Variants in CSMD3 observed in about 807,000 individuals in gnomAD.
The protein encoded by CSMD3 is CUB and sushi domain-containing protein 3.
A neutral mutation model predicts 435.2 loss-of-function variants in CSMD3; 177 were observed. The ratio of observed to expected loss-of-function variants is 0.41; its 90% confidence interval spans 0.36 to 0.46. The LOEUF is 0.46. CSMD3 is among the 20% of genes least tolerant of loss of function. The probability of loss-of-function intolerance (pLI) is 0.34; values close to 1 mark genes in which losing one functional copy is unlikely to be tolerated. For missense variants in CSMD3, 4,265 were observed against 4,504.6 expected (o/e 0.95, Z 1.52); for synonymous variants, 1,656 against 1,520.5 (o/e 1.09, Z -2.07).
chr8:112,494,513 T>C (rs1258238680), intron 30 of CSMD3, among the ~76,000 whole-genome samples: 1 of 110,580 alleles, frequency 9.0e-6, no homozygotes, highest in African/African-American at 3.3e-5. Context: ...CTTTCTTTCT[T>C]TCTTTCTTTC....
intron 12 of CSMD3, among the ~76,000 whole-genome samples, chr8:112,813,940 T>G (rs2079299036): frequency 6.6e-6 from 1 of 152,200 alleles, no homozygotes; most frequent in Non-Finnish European, 1.5e-5. Flanking sequence ...GGTGCAAATG[T>G]CCCAAGGCTT....
chr8:112,380,306 A>G, intron 38 of CSMD3, 46 bp downstream of exon 38: 1 of 1,016,454 alleles, frequency 9.8e-7, no homozygotes, highest in Non-Finnish European at 1.6e-6. Context: ...TAATTAATAT[A>G]AACTTGTTCT....
intron 32 of CSMD3, among the ~76,000 whole-genome samples, chr8:112,419,218 T>G (rs1441200523): frequency 7.0e-6 from 1 of 143,110 alleles, no homozygotes; most frequent in Non-Finnish European, 1.6e-5. Flanking sequence ...CACAGTGAGC[T>G]GCGTTATGCT....
intron 4 of CSMD3, among the ~76,000 whole-genome samples, chr8:113,107,565 C>G (rs990170931): frequency 6.6e-6 from 1 of 152,206 alleles, no homozygotes; most frequent in Non-Finnish European, 1.5e-5. Context: ...GGTTTCACAT[C>G]CCATACTGTA....
chr8:113,176,281 T>A (rs560234644), intron 3 of CSMD3, among the ~76,000 whole-genome samples: 1 of 152,262 alleles, frequency 6.6e-6, no homozygotes, highest in South Asian at 2.1e-4. Context: ...GTTAACTGAG[T>A]AATTCATAAA....
chr8:112,380,371 T>C lies in CSMD3; in HGVS notation c.6117A>G (p.Gly2039=). Residue 2039 remains glycine (G), a synonymous_variant, in exon 38 of 71, where the codon GGA becomes GGG. Coordinates refer to ENST00000297405, the MANE Select transcript of CSMD3 (RefSeq NM_198123.2). ...TTTTACCTGTGTATTCAAGATGAAATCCTGCAGCAGAAACACTGATGTCTG... is the reference window on the plus strand; with the variant it reads ...TTTTACCTGTGTATTCAAGATGAAACCCTGCAGCAGAAACACTGATGTCTG... ...FQSDISVSAA[G]FHLEYTAIGL... 1 of 1,580,882 alleles carries C rather than the reference T, an allele frequency of 6.3e-7. No homozygotes were observed. The highest frequency in any genetic ancestry group is 8.7e-7 in the Non-Finnish European group (1 of 1,150,136).
chr8:112,462,610 A>G (rs983226299), intron 32 of CSMD3, among the ~76,000 whole-genome samples: 2 of 151,926 alleles, frequency 1.3e-5, no homozygotes, highest in Non-Finnish European at 2.9e-5. Flanking sequence ...AATTCTTGCA[A>G]GTTGAAAGGA....
At chr8:112,742,911 AGGGT>A (rs2077344115) in intron 13 of CSMD3, among the ~76,000 whole-genome samples, 1 of 152,034 alleles carries the variant, frequency 6.6e-6, no homozygotes, top group African/African-American at 2.4e-5. Context: ...ATAGTCACAC[AGGGT>A]CCACTCTCAG....
chr8:112,985,577 G>A (rs960509263), intron 6 of CSMD3, among the ~76,000 whole-genome samples: 12 of 152,100 alleles, frequency 7.9e-5, no homozygotes, highest in African/African-American at 2.4e-4. Flanking sequence ...CCAGTCCTTC[G>A]CCTGTTAGGA....
At chr8:112,316,774 T>A (rs958502226) in intron 47 of CSMD3, among the ~76,000 whole-genome samples, 38 of 151,952 alleles carry the variant, frequency 2.5e-4, no homozygotes, top group Non-Finnish European at 1.6e-4. Flanking sequence ...CCAGAAAATG[T>A]AAGCATCCAT....
intron 1 of CSMD3, among the ~76,000 whole-genome samples, chr8:113,315,380 T>C (rs1198851584): frequency 6.6e-6 from 1 of 151,988 alleles, no homozygotes; most frequent in Non-Finnish European, 1.5e-5. Context: ...ATGAACAGAA[T>C]TCTAAATTAA....
chr8:112,602,251 T>C (rs1832416726), intron 22 of CSMD3, among the ~76,000 whole-genome samples: 1 of 152,146 alleles, frequency 6.6e-6, no homozygotes, highest in Non-Finnish European at 1.5e-5. Context: ...TAATCAGCAC[T>C]TGAACAAATA....
intron 3 of CSMD3, among the ~76,000 whole-genome samples, chr8:113,209,166 T>C (rs1411383926): frequency 6.6e-6 from 1 of 152,166 alleles, no homozygotes; most frequent in African/African-American, 2.4e-5. Flanking sequence ...CAGAAATTCA[T>C]TATGTGTGAC....
Position 112,580,455 on chromosome 8 carries a change from A to G in CSMD3, c.3885+6611T>C, listed in dbSNP as rs1586727935. ...GTAGGAGGAATAATAGAATGCCAAT[A>G]ATTAGACAATAGAGGGAACATGTAC... On this transcript the variant is annotated intron_variant, in intron 23 of 70. Coordinates refer to ENST00000297405, the MANE Select transcript of CSMD3 (RefSeq NM_198123.2). Among the ~76,000 whole-genome samples, 4 of 151,878 alleles carry G rather than the reference A, an allele frequency of 2.6e-5. No individual in the cohort carries two copies. In the South Asian group the frequency reaches 8.3e-4, roughly 32 times the overall value.
chr8:113,077,085 G>T (rs6988145), intron 5 of CSMD3, among the ~76,000 whole-genome samples: 50,562 of 151,816 alleles, frequency 0.33, 9,258 homozygotes, highest in East Asian at 0.69. Flanking sequence ...CCACAAGTGT[G>T]ATAAAATTAC....
chr8:112,722,004 A>C (rs1272692285), intron 13 of CSMD3, among the ~76,000 whole-genome samples: 4 of 152,104 alleles, frequency 2.6e-5, no homozygotes, highest in Non-Finnish European at 5.9e-5. Context: ...GCAGCTTTCA[A>C]AATGTATACA....
chr8:112,371,401 G>C (rs547374904), intron 38 of CSMD3, among the ~76,000 whole-genome samples: 1 of 152,206 alleles, frequency 6.6e-6, no homozygotes, highest in South Asian at 2.1e-4. Context: ...AAGGTCCTGA[G>C]AACCAATGAG....
chr8:112,606,284 C>T (rs1034373896), intron 22 of CSMD3, among the ~76,000 whole-genome samples: 1 of 152,170 alleles, frequency 6.6e-6, no homozygotes, highest in African/African-American at 2.4e-5. Flanking sequence ...GAGTGCCTGA[C>T]ACCTCCAGCA....
intron 32 of CSMD3, among the ~76,000 whole-genome samples, chr8:112,471,697 G>A (rs530282720): frequency 9.2e-5 from 14 of 152,174 alleles, no homozygotes; most frequent in Non-Finnish European, 1.5e-4. Flanking sequence ...CAGCAGAAAT[G>A]TTAAGTCAAG....
Sources: allele counts gnomAD v4.1 joint callset (sites outside exome capture counted in the v4.1 genomes callset), GRCh38; gene constraint gnomAD v4.1.1; transcripts MANE v1.5; gene names NCBI Gene and HGNC (gene_info 2026-07-23, HGNC 2026-07-21).